The following ZSCAN5A variants were observed in gnomAD, a reference collection of about 807,000 sequenced individuals.
ZSCAN5A encodes the protein zinc finger and SCAN domain-containing protein 5A.
In ZSCAN5A, 12 loss-of-function variants were observed where a neutral mutation model predicts 23.7. The ratio of observed to expected loss-of-function variants is 0.51; its 90% CI spans 0.32 to 0.82. The LOEUF (loss-of-function observed/expected upper bound fraction) is 0.82, where lower values mean the gene tolerates loss of function less well. ZSCAN5A is among the 40% of genes least tolerant of loss of function. The probability of loss-of-function intolerance (pLI) is 0.03; values close to 1 mark genes in which losing one functional copy is unlikely to be tolerated. For synonymous variants in ZSCAN5A, 257 were observed against 239.9 expected (o/e 1.07, Z -0.66); for missense variants, 597 against 617.9 (o/e 0.97, Z 0.36).
At position 56,343,254 on chromosome 19, in the gene ZSCAN5A, C is replaced by T. The variant is rs1308407466; in HGVS notation, c.-358+19981G>A. The T allele has an allele frequency of 3.6e-6, 3 of 834,448 alleles. No individual in the cohort carries two copies. In the African/African-American group the frequency reaches 5.1e-5, roughly 14 times the overall value. The allele number at this position is 834,448 out of a possible 1,614,324, so 51.7% of individuals were successfully genotyped here. A position where few individuals can be genotyped will look rare whatever the true frequency, so the allele number is the denominator to read the frequency against. ...TGGTGATGTCCTTGGCAACCCCCTT[C>T]AGTATTCCTCTGTGAGGAGGCTTTG... On this transcript the variant is annotated intron_variant, in intron 2 of 6. Coordinates refer to the ZSCAN5A transcript ENST00000587340.
chr19:56,334,028 C>T (rs1279722626), intron 2 of ZSCAN5A, among the ~76,000 whole-genome samples: 1 of 152,114 alleles, frequency 6.6e-6, no homozygotes, highest in African/African-American at 2.4e-5. Flanking sequence ...GATCCCTAAC[C>T]AAAATGGAAA....
intron 2 of ZSCAN5A, among the ~76,000 whole-genome samples, chr19:56,362,020 G>A (rs1054212197): frequency 1.3e-5 from 2 of 151,652 alleles, no homozygotes; most frequent in East Asian, 3.9e-4. Context: ...TAGCTGGGCG[G>A]GGTGGCGGGC....
chr19:56,314,154 AG>A (rs1218184966), intron 1 of ZSCAN5A: 2 of 152,304 alleles, frequency 1.3e-5, no homozygotes, highest in African/African-American at 4.8e-5. Context: ...AAACTCGGTA[AG>A]GTCTGAGGCC....
intron 2 of ZSCAN5A, among the ~76,000 whole-genome samples, chr19:56,238,160 A>C (rs2035141785): frequency 6.6e-6 from 1 of 151,852 alleles, no homozygotes; most frequent in Non-Finnish European, 1.5e-5. Flanking sequence ...ACATACGCAC[A>C]CATACACACA....
intron 2 of ZSCAN5A, among the ~76,000 whole-genome samples, chr19:56,237,344 C>G (rs2035015963): frequency 6.6e-6 from 1 of 152,096 alleles, no homozygotes; most frequent in Admixed American, 6.6e-5. Context: ...ATCCACACCG[C>G]CATTCTGATT....
intron 2 of ZSCAN5A, chr19:56,320,699 T>A: frequency 1.1e-6 from 1 of 944,442 alleles, no homozygotes; most frequent in Non-Finnish European, 1.8e-6. Context: ...CTTAATCCCA[T>A]AGTTCACCTC....
intron 2 of ZSCAN5A, among the ~76,000 whole-genome samples, chr19:56,241,181 C>T (rs1183602328): frequency 6.6e-6 from 1 of 152,236 alleles, no homozygotes; most frequent in African/African-American, 2.4e-5. Flanking sequence ...GCATACCTGC[C>T]TTTATTTTTT....
intron 2 of ZSCAN5A, chr19:56,322,309 C>A: frequency 2.1e-6 from 2 of 955,590 alleles, no homozygotes; most frequent in Non-Finnish European, 3.4e-6. Flanking sequence ...TTTGAAAGGC[C>A]ATTTCTTAGC....
chr19:56,308,274 C>T (rs973629266), intron 2 of ZSCAN5A, among the ~76,000 whole-genome samples: 22 of 151,948 alleles, frequency 1.4e-4, no homozygotes, highest in Admixed American at 5.2e-4. Context: ...CCTTGTGATC[C>T]GCCCGCCTCG....
At chr19:56,243,769 T>C (rs1159949098) in intron 2 of ZSCAN5A, among the ~76,000 whole-genome samples, 1 of 152,138 alleles carries the variant, frequency 6.6e-6, no homozygotes, top group African/African-American at 2.4e-5. Context: ...TAGTCAGGTG[T>C]AGACAGCGGA....
chr19:56,332,435 T>C (rs910278964), intron 2 of ZSCAN5A, among the ~76,000 whole-genome samples: 6 of 152,228 alleles, frequency 3.9e-5, no homozygotes, highest in African/African-American at 1.4e-4. Context: ...CTTTTTTATT[T>C]TTGTTGTTTT....
At chr19:56,362,387 C>T (rs571618829) in intron 2 of ZSCAN5A, among the ~76,000 whole-genome samples, 5 of 151,182 alleles carry the variant, frequency 3.3e-5, no homozygotes, top group South Asian at 2.1e-4. Context: ...GCCAACGTGG[C>T]GAGACCCCCA....
At chr19:56,251,172 CT>C (rs1226323604) in intron 2 of ZSCAN5A, among the ~76,000 whole-genome samples, 1 of 151,064 alleles carries the variant, frequency 6.6e-6, no homozygotes, top group Non-Finnish European at 1.5e-5. Context: ...AAAAAGACCA[CT>C]GATGACCCTT....
At chr19:56,303,653 A>G (rs972295556) in intron 2 of ZSCAN5A, among the ~76,000 whole-genome samples, 3 of 152,024 alleles carry the variant, frequency 2.0e-5, no homozygotes, top group African/African-American at 4.8e-5. Context: ...GGACTCAGAG[A>G]AGAACGGAAC....
At chr19:56,255,647 GC>G (rs2036644051) in intron 2 of ZSCAN5A, among the ~76,000 whole-genome samples, 2 of 149,286 alleles carry the variant, frequency 1.3e-5, no homozygotes, top group Non-Finnish European at 3.0e-5. Flanking sequence ...TGTTTTTCTT[GC>G]CAGCCCTGAG....
chr19:56,257,048 G>A (rs779400816), intron 2 of ZSCAN5A, among the ~76,000 whole-genome samples: 9 of 152,150 alleles, frequency 5.9e-5, no homozygotes, highest in Non-Finnish European at 8.8e-5. Flanking sequence ...GAATACCTGC[G>A]TAAGGGCTCT....
At position 56,235,169 on chromosome 19, in the gene ZSCAN5A, C is replaced by G. The variant is rs113171690; in HGVS notation, c.-127-9996G>C. ...GCCTCCACTCCAGCCTCTGATTGAC[C>G]GTGGGCCAAGTCTCCACTCCAGCCT... On this transcript the variant is annotated intron_variant, in intron 2 of 5. Transcript: ENST00000683990. Among the ~76,000 whole-genome samples the G allele has an allele frequency of 9.9e-3, 384 of 38,698 alleles. 2 individuals carry two copies. Among genetic ancestry groups the G allele is most frequent in the Middle Eastern group, 0.017 (1 of 58 alleles). The allele number at this position is 38,698 out of a possible 152,430, so 25.4% of individuals were successfully genotyped here. A position where few individuals can be genotyped will look rare whatever the true frequency, so the allele number is the denominator to read the frequency against.
At chr19:56,260,376 G>A (rs190392573) in intron 2 of ZSCAN5A, among the ~76,000 whole-genome samples, 459 of 151,986 alleles carry the variant, frequency 3.0e-3, no homozygotes, top group Non-Finnish European at 5.2e-3. Context: ...CACCACGCCC[G>A]GCTAGTTATG....
intron 2 of ZSCAN5A, chr19:56,343,561 G>A (rs1225656579): frequency 2.9e-6 from 1 of 343,804 alleles, no homozygotes; most frequent in Non-Finnish European, 5.7e-6. Flanking sequence ...CCCTGAGAGA[G>A]GTACTATTAT....
Sources: gnomAD v4.1 joint callset for allele counts (sites outside exome capture counted in the v4.1 genomes callset) on GRCh38, gnomAD v4.1.1 for gene constraint, MANE v1.5 for transcripts, NCBI Gene and HGNC (gene_info 2026-07-23, HGNC 2026-07-21) for gene names.